Variants in RGS7 observed in about 807,000 individuals in gnomAD.
RGS7 encodes the protein regulator of G-protein signaling 7.
RGS7 carries 27 observed loss-of-function variants against 81.1 expected under a neutral mutation model. That is an observed-to-expected ratio of 0.33 (90% CI 0.25 to 0.46). The LOEUF is 0.46. Ranked by LOEUF, RGS7 falls within the 20% of genes least tolerant of loss-of-function variation. The pLI is 1.00. For synonymous variants in RGS7, 208 were observed against 207.7 expected, an observed-to-expected ratio of 1.00 and a Z score of -0.01; for missense variants, 396 against 607.4, an observed-to-expected ratio of 0.65 and a Z score of 3.66.
chr1:240,924,364 G>T (rs1674074296), intron 6 of RGS7, among the ~76,000 whole-genome samples: 1 of 152,100 alleles, frequency 6.6e-6, no homozygotes, highest in Non-Finnish European at 1.5e-5. Context: ...TTCTCCATGG[G>T]TCTGAAAACC....
chr1:240,987,283 A>C (rs1685804164), intron 3 of RGS7, among the ~76,000 whole-genome samples: 1 of 152,210 alleles, frequency 6.6e-6, no homozygotes, highest in South Asian at 2.1e-4. Flanking sequence ...ATTTTCAGCT[A>C]AAGACATTAG....
chr1:241,076,850 A>G (rs559160927), intron 3 of RGS7, among the ~76,000 whole-genome samples: 4 of 152,360 alleles, frequency 2.6e-5, no homozygotes, highest in African/African-American at 9.6e-5. Flanking sequence ...AACGCCTCAA[A>G]AGAAAGAGTG....
chr1:241,266,136 T>C (rs2077581718), intron 2 of RGS7, among the ~76,000 whole-genome samples: 1 of 152,146 alleles, frequency 6.6e-6, no homozygotes, highest in African/African-American at 2.4e-5. Context: ...TTCCAGAGGC[T>C]GAATAGAGCT....
chr1:241,255,918 T>C (rs1184208981), intron 2 of RGS7, among the ~76,000 whole-genome samples: 1 of 152,190 alleles, frequency 6.6e-6, no homozygotes, highest in East Asian at 1.9e-4. Flanking sequence ...AATATGTTTA[T>C]GAAAATAATC....
chr1:240,901,526 C>T (rs1301960825), intron 6 of RGS7, among the ~76,000 whole-genome samples: 1 of 152,214 alleles, frequency 6.6e-6, no homozygotes, highest in Admixed American at 6.5e-5. Context: ...AAAGCCTGAA[C>T]CCAGTTTTTA....
intron 9 of RGS7, among the ~76,000 whole-genome samples, chr1:240,828,623 C>G (rs1239544925): frequency 6.6e-6 from 1 of 152,188 alleles, no homozygotes; most frequent in Admixed American, 6.5e-5. Flanking sequence ...CCCATCTCTA[C>G]TGAAAATACA....
intron 2 of RGS7, among the ~76,000 whole-genome samples, chr1:241,122,525 G>A (rs1027613592): frequency 2.0e-5 from 3 of 151,914 alleles, no homozygotes; most frequent in African/African-American, 4.8e-5. Context: ...AGCCAGGCAC[G>A]GTGGTGCATG....
At chr1:240,973,977 A>G (rs1290874099) in intron 4 of RGS7, among the ~76,000 whole-genome samples, 1 of 152,206 alleles carries the variant, frequency 6.6e-6, no homozygotes, top group African/African-American at 2.4e-5. Context: ...TACAAAGGCC[A>G]TTTGTAATGG....
chr1:241,022,248 G>T (rs12076276), intron 3 of RGS7, among the ~76,000 whole-genome samples: 4,783 of 152,202 alleles, frequency 0.031, 185 homozygotes, highest in African/African-American at 0.093. Context: ...TAACCAACTT[G>T]GTCTTGCTTT....
At chr1:241,085,970 C>G (rs1178128752) in intron 3 of RGS7, among the ~76,000 whole-genome samples, 1 of 152,150 alleles carries the variant, frequency 6.6e-6, no homozygotes, top group East Asian at 1.9e-4. Flanking sequence ...CCTTGCTGCT[C>G]CAAGTGAACT....
intron 15 of RGS7, among the ~76,000 whole-genome samples, chr1:240,804,078 C>A (rs930382921): frequency 6.6e-6 from 1 of 152,124 alleles, no homozygotes; most frequent in Admixed American, 6.5e-5. Context: ...TGGAGTTAAG[C>A]ATTTTGAGAT....
chr1:240,897,394 TTCAG>T (rs1254778784), intron 6 of RGS7, among the ~76,000 whole-genome samples: 2 of 152,230 alleles, frequency 1.3e-5, no homozygotes, highest in Non-Finnish European at 2.9e-5. Context: ...TTTTTGCCCA[TTCAG>T]TATGATATTG....
chr1:241,130,669 C>G (rs1228841865), intron 2 of RGS7, among the ~76,000 whole-genome samples: 1 of 150,802 alleles, frequency 6.6e-6, no homozygotes, highest in Non-Finnish European at 1.5e-5. Flanking sequence ...ACAAGAATTA[C>G]TAATAACAAA....
At chr1:241,265,059 A>C (rs1325623429) in intron 2 of RGS7, among the ~76,000 whole-genome samples, 2 of 152,086 alleles carry the variant, frequency 1.3e-5, no homozygotes, top group Non-Finnish European at 2.9e-5. Flanking sequence ...AGTTATTCAA[A>C]TAAGCCAGTC....
intron 2 of RGS7, among the ~76,000 whole-genome samples, chr1:241,170,378 G>T (rs1349573880): frequency 6.6e-6 from 1 of 151,988 alleles, no homozygotes; most frequent in East Asian, 1.9e-4. Flanking sequence ...AAATCTGCAT[G>T]AATCAACCTT....
intron 3 of RGS7, among the ~76,000 whole-genome samples, chr1:241,009,924 T>G (rs2058869817): frequency 6.6e-6 from 1 of 152,114 alleles, no homozygotes; most frequent in Non-Finnish European, 1.5e-5. Context: ...CTCAGTAAAC[T>G]ATCACAAGGA....
At chr1:240,992,786 C>G (rs755102748) in intron 3 of RGS7, among the ~76,000 whole-genome samples, 1 of 149,292 alleles carries the variant, frequency 6.7e-6, no homozygotes, top group Non-Finnish European at 1.5e-5. Flanking sequence ...TGAATGATCA[C>G]GAGGTCAGGA....
intron 6 of RGS7, among the ~76,000 whole-genome samples, chr1:240,893,177 C>A (rs1011800057): frequency 6.6e-6 from 1 of 152,070 alleles, no homozygotes; most frequent in African/African-American, 2.4e-5. Context: ...CAGTGAAAAT[C>A]GAAGAAGGCT....
intron 9 of RGS7, among the ~76,000 whole-genome samples, chr1:240,856,120 T>G (rs1250109246): frequency 6.6e-6 from 1 of 152,212 alleles, no homozygotes; most frequent in Admixed American, 6.5e-5. Flanking sequence ...TCAGATTATC[T>G]CTATGCCTTT....
Sources: allele counts gnomAD v4.1 joint callset (sites outside exome capture counted in the v4.1 genomes callset), GRCh38; gene constraint gnomAD v4.1.1; transcripts MANE v1.5; gene names NCBI Gene and HGNC (gene_info 2026-07-23, HGNC 2026-07-21).